Variants in CTNNB1 observed in about 807,000 individuals in gnomAD.
CTNNB1 encodes catenin beta 1, also known as catenin beta-1.
A neutral mutation model predicts 82.5 loss-of-function variants in CTNNB1; 6 were observed. That is an observed-to-expected ratio of 0.07 (90% CI 0.04 to 0.14). The LOEUF (loss-of-function observed/expected upper bound fraction) is 0.14, where lower values mean the gene tolerates loss of function less well. CTNNB1 is among the 10% of genes least tolerant of loss of function. The pLI is 1.00. For synonymous variants in CTNNB1, 312 were observed against 329.7 expected, an observed-to-expected ratio of 0.95 and a Z score of 0.58; for missense variants, 529 against 980.4, an observed-to-expected ratio of 0.54 and a Z score of 6.15.
chr3:41,208,296 C>T (rs1399115441), intron 1 of CTNNB1, among the ~76,000 whole-genome samples: 2 of 152,182 alleles, frequency 1.3e-5, no homozygotes, highest in African/African-American at 4.8e-5. Context: ...TGTTGATTTA[C>T]AGTCTGGTAC....
intron 7 of CTNNB1, among the ~76,000 whole-genome samples, chr3:41,230,504 A>G (rs1215494983): frequency 1.3e-5 from 2 of 152,248 alleles, no homozygotes; most frequent in Non-Finnish European, 2.9e-5. Context: ...GGCACATAGT[A>G]TACATTGGGT....
intron 14 of CTNNB1, among the ~76,000 whole-genome samples, 191 bp from the exon 15 acceptor site, chr3:41,238,943 G>A (rs533439270): frequency 1.3e-5 from 2 of 152,284 alleles, no homozygotes; most frequent in East Asian, 3.9e-4. Flanking sequence ...AGTCTCATGG[G>A]TGGCCTGGCA....
intron 7 of CTNNB1, among the ~76,000 whole-genome samples, chr3:41,229,876 C>CTGTGTG (rs58153157): frequency 0.26 from 37,802 of 147,048 alleles, 5,367 homozygotes; most frequent in Non-Finnish European, 0.33. Context: ...CTCTTGGGTT[C>CTGTGTG]TGTGTGTGTG....
rs1304354105 is a variant in CTNNB1 at position 41,225,743 on chromosome 3, T to C, written c.818T>C (p.Val273Ala). The change falls in exon 6 of 15, where the codon GTG becomes GCG. Residue 273 changes from valine to alanine, a missense_variant. By Grantham distance (64) the Val-to-Ala change is moderately conservative. Transcript: ENST00000349496. This position sits in a 1 kb window ranked among gnomAD's most constrained non-coding sequence, Gnocchi z 5.3. ...CATCAAGAAGGAGCTAAAATGGCAG[T>C]GCGTTTAGCTGGTGGGCTGCAGAAA... ...LLHQEGAKMA[V>A]RLAGGLQKMV... 3.7e-6 allele frequency: 6 copies of C among 1,614,138 alleles called. No homozygotes were observed. The highest frequency in any genetic ancestry group is 5.1e-6 in the Non-Finnish European group (6 of 1,179,966).
intron 10 of CTNNB1, chr3:41,235,018 C>G (rs2078402837): frequency 6.5e-6 from 1 of 154,430 alleles, no homozygotes; most frequent in African/African-American, 2.4e-5. Context: ...ATTGGCCCAT[C>G]TCCATGAGGT....
At chr3:41,209,534 T>TC (rs1226975031) in intron 1 of CTNNB1, among the ~76,000 whole-genome samples, 1 of 152,168 alleles carries the variant, frequency 6.6e-6, no homozygotes, top group Non-Finnish European at 1.5e-5. Flanking sequence ...CAGAATAAAG[T>TC]CACGTGTCAT....
At chr3:41,227,127 A>G (rs2078193581) in intron 6 of CTNNB1, 81 bp from the exon 7 acceptor site, 3 of 1,213,330 alleles carry the variant, frequency 2.5e-6, no homozygotes, top group Admixed American at 1.7e-5. Flanking sequence ...TTGTATAATA[A>G]AATAGGTTGG....
intron 1 of CTNNB1, among the ~76,000 whole-genome samples, chr3:41,201,047 T>C (rs137938697): frequency 6.6e-6 from 1 of 152,368 alleles, no homozygotes; most frequent in African/African-American, 2.4e-5. Flanking sequence ...CAGCATTTCC[T>C]TTCATAAAGT....
chr3:41,202,335 A>T (rs977667475), intron 1 of CTNNB1, among the ~76,000 whole-genome samples: 1 of 152,158 alleles, frequency 6.6e-6, no homozygotes, highest in Non-Finnish European at 1.5e-5. Context: ...TTGACTGCCA[A>T]CCCGGGGCAC....
At chr3:41,207,769 T>C (rs970849277) in intron 1 of CTNNB1, among the ~76,000 whole-genome samples, 6 of 152,192 alleles carry the variant, frequency 3.9e-5, no homozygotes, top group Admixed American at 3.9e-4. Flanking sequence ...TTCTCAATCT[T>C]GTGAATGTTC....
rs891968045 is a variant in CTNNB1 at position 41,227,341 on chromosome 3, T to C, written c.1070T>C (p.Ile357Thr). 1 of 1,613,916 alleles carries C rather than the reference T, an allele frequency of 6.2e-7. No homozygotes were observed. Among genetic ancestry groups the C allele is most frequent in the African/African-American group, 1.3e-5 (1 of 75,020 alleles). Residue 357 changes from isoleucine (I) to threonine (T), a missense_variant, in exon 7 of 15, where the codon ATT becomes ACT. Around this residue, in one of 4 missense-constraint regions of CTNNB1, gnomAD observed 411 missense variants for 776.4 expected, o/e 0.53. Coordinates refer to ENST00000349496, the MANE Select transcript of CTNNB1 (RefSeq NM_001904.4). ...LSVCSSNKPA[I>T]VEAGGMQALG... ...GTCTGCTCTAGTAATAAGCCGGCTA[T>C]TGTAGAAGCTGGTAAGTATATGTAT...
At chr3:41,236,520 G>T (rs2125646439) in intron 12 of CTNNB1, 21 bp downstream of exon 12, 1 of 1,614,168 alleles carries the variant, frequency 6.2e-7, no homozygotes, top group Non-Finnish European at 8.5e-7. Context: ...AGGAACCAAA[G>T]CCTTTAGCAG....
chr3:41,224,366 C>A, intron 2 of CTNNB1, 160 bp from the exon 3 acceptor site: 1 of 796,436 alleles, frequency 1.3e-6, no homozygotes, highest in South Asian at 1.7e-5. Flanking sequence ...GGTATTTCAT[C>A]ACTGAGCTAA....
chr3:41,220,560 G>C (rs1317560763), intron 1 of CTNNB1: 2 of 152,104 alleles, frequency 1.3e-5, no homozygotes, highest in African/African-American at 4.8e-5. Context: ...AGATGGCAAA[G>C]TATTACTGGT....
chr3:41,210,323 G>A (rs1293170586), intron 1 of CTNNB1, among the ~76,000 whole-genome samples: 3 of 151,992 alleles, frequency 2.0e-5, no homozygotes, highest in Non-Finnish European at 2.9e-5. Flanking sequence ...GCGTGGTGGC[G>A]GGCACCTGTA....
At chr3:41,236,271 A>C in intron 11 of CTNNB1, 78 bp from the exon 12 acceptor site, 1 of 1,544,048 alleles carries the variant, frequency 6.5e-7, no homozygotes, top group Non-Finnish European at 9.0e-7. Flanking sequence ...CTGAATTGGG[A>C]ATGTTTGCAC....
chr3:41,225,348 G>A lies in CTNNB1; in HGVS notation c.510G>A (p.Lys170=), dbSNP rs760898512. 7.4e-6 allele frequency: 12 copies of A among 1,614,046 alleles called. No individual in the cohort carries two copies. Among genetic ancestry groups the A allele is most frequent in the Non-Finnish European group, 9.3e-6 (11 of 1,179,976 alleles). The change falls in exon 5 of 15, where the codon AAG becomes AAA. Residue 170 remains lysine, a synonymous_variant. Transcript: ENST00000349496. This position sits in a 1 kb window ranked among gnomAD's most constrained non-coding sequence, Gnocchi z 5.3. The part of the protein sequence containing the change: ...LNDEDQVVVN[K]AAVMVHQLSK... Reference sequence around the variant, plus strand: ...CTGTATTACAGGTGGTGGTTAATAAGGCTGCAGTTATGGTCCATCAGCTTT... The same window carrying A: ...CTGTATTACAGGTGGTGGTTAATAAAGCTGCAGTTATGGTCCATCAGCTTT...
intron 7 of CTNNB1, among the ~76,000 whole-genome samples, chr3:41,232,470 C>T (rs2125636183): frequency 6.6e-6 from 1 of 152,078 alleles, no homozygotes; most frequent in East Asian, 1.9e-4. Flanking sequence ...AGCAGATAGA[C>T]CTCATCTGAG....
chr3:41,236,208 A>G, intron 11 of CTNNB1, 141 bp from the exon 12 acceptor site: 1 of 1,055,710 alleles, frequency 9.5e-7, no homozygotes, highest in Non-Finnish European at 1.5e-6. Context: ...AAACACCCCA[A>G]GACATAAAAT....
Sources: allele counts gnomAD v4.1 joint callset (sites outside exome capture counted in the v4.1 genomes callset), GRCh38; gene constraint gnomAD v4.1.1; regional missense constraint gnomAD v4.1.1; non-coding constraint Gnocchi (gnomAD v3.1); transcripts MANE v1.5; gene names NCBI Gene and HGNC (gene_info 2026-07-23, HGNC 2026-07-21).